Variants in PARD3B observed in about 807,000 individuals in gnomAD.
PARD3B encodes par-3 family cell polarity regulator beta, also known as partitioning defective 3 homolog B.
A neutral mutation model predicts 130.2 loss-of-function variants in PARD3B; 103 were observed. The observed-to-expected ratio is 0.79, with a 90% CI of 0.67 to 0.93. The LOEUF is 0.93. Ranked by LOEUF, PARD3B falls within the 40% of genes least tolerant of loss-of-function variation. The probability of loss-of-function intolerance (pLI) is 0.00; values close to 1 mark genes in which losing one functional copy is unlikely to be tolerated. For missense variants in PARD3B, 1,609 were observed against 1,499.2 expected (o/e 1.07, Z -1.21); for synonymous variants, 583 against 553.2 (o/e 1.05, Z -0.76).
At position 205,176,220 on chromosome 2, in the gene PARD3B, G is replaced by T. The variant is rs1484554012; in HGVS notation, c.1792-225G>T. On this transcript the variant is annotated intron_variant, in intron 12 of 22. Transcript: ENST00000406610. This position sits in a 1 kb window ranked among gnomAD's most constrained non-coding sequence, Gnocchi z 5.3. The stretch of plus-strand genomic sequence containing the variant: ...ATAAAGTTAATCCTCTTTTGTGTTG[G>T]CTATCAGCACTCCTAATCCTTAGCA... 5.9e-5 allele frequency among the ~76,000 whole-genome samples: 9 copies of T among 152,076 alleles called. No individual in the cohort carries two copies. The highest frequency in any genetic ancestry group is 7.4e-5 in the Non-Finnish European group (5 of 68,006).
chr2:205,127,925 C>A (rs16836988), intron 10 of PARD3B, among the ~76,000 whole-genome samples: 3 of 152,080 alleles, frequency 2.0e-5, no homozygotes, highest in African/African-American at 7.2e-5. Context: ...TTCTTTCAAT[C>A]TTTTATTTAT....
At chr2:205,237,316 A>G (rs1400380191) in intron 15 of PARD3B, among the ~76,000 whole-genome samples, 2 of 152,074 alleles carry the variant, frequency 1.3e-5, no homozygotes, top group Admixed American at 6.6e-5. Flanking sequence ...TGACCAGGCT[A>G]GTCTTGAATG....
intron 20 of PARD3B, among the ~76,000 whole-genome samples, chr2:205,442,267 T>C (rs1290877229): frequency 6.7e-6 from 1 of 149,742 alleles, no homozygotes; most frequent in Non-Finnish European, 1.5e-5. Context: ...AATTCTAGGG[T>C]AAGCCACAAG....
At chr2:204,844,593 G>T (rs2044389864) in intron 2 of PARD3B, among the ~76,000 whole-genome samples, 1 of 152,090 alleles carries the variant, frequency 6.6e-6, no homozygotes, top group African/African-American at 2.4e-5. Context: ...TGGATGGCGG[G>T]GGCTGGGTGT....
chr2:204,932,837 G>A (rs1300479632), intron 2 of PARD3B, among the ~76,000 whole-genome samples: 2 of 152,160 alleles, frequency 1.3e-5, no homozygotes, highest in Admixed American at 1.3e-4. Context: ...GTCAGTGACA[G>A]CTCATTAAAG....
chr2:205,220,246 T>C (rs1432208848), intron 15 of PARD3B, among the ~76,000 whole-genome samples: 1 of 152,144 alleles, frequency 6.6e-6, no homozygotes, highest in Non-Finnish European at 1.5e-5. Flanking sequence ...AACTCATTAA[T>C]GTGGTTTTTG....
chr2:204,809,067 T>A (rs1248281189), intron 2 of PARD3B, among the ~76,000 whole-genome samples: 1 of 152,172 alleles, frequency 6.6e-6, no homozygotes, highest in African/African-American at 2.4e-5. Context: ...GTTGGCCTCA[T>A]GTGTGTTTTC....
At chr2:205,208,580 C>G (rs1248919543) in intron 15 of PARD3B, among the ~76,000 whole-genome samples, 1 of 143,614 alleles carries the variant, frequency 7.0e-6, no homozygotes, top group East Asian at 2.0e-4. Context: ...CAATAACAGA[C>G]AAACAGAGAG....
chr2:205,301,460 A>T lies in PARD3B; in HGVS notation c.2393-4A>T, dbSNP rs2041994181. 5.6e-6 allele frequency: 9 copies of T among 1,608,080 alleles called. No homozygotes were observed. The East Asian group carries it at 2.0e-4, about 36-fold the overall frequency. On this transcript the variant is annotated splice_region_variant and splice_polypyrimidine_tract_variant and intron_variant, in intron 17 of 22. Coordinates refer to ENST00000406610, the MANE Select transcript of PARD3B (RefSeq NM_001302769.2). The surrounding 1 kb of genome is among the most constrained non-coding windows in gnomAD (Gnocchi z 5.2). Reference sequence around the variant, plus strand: ...TGGGTATTGATTATTTTTTCTCTGTACAGACGGTCTGTCTGATAAGAGCTC... The same window carrying T: ...TGGGTATTGATTATTTTTTCTCTGTTCAGACGGTCTGTCTGATAAGAGCTC...
chr2:204,929,050 A>C (rs759665470), intron 2 of PARD3B, among the ~76,000 whole-genome samples: 1 of 151,938 alleles, frequency 6.6e-6, no homozygotes, highest in Non-Finnish European at 1.5e-5. Context: ...AACCACTACC[A>C]TCCTGGTTAA....
rs143152561 is a variant in PARD3B, at chr2:204,925,968, G to A, written c.223-39184G>A. On this transcript the variant is annotated intron_variant, in intron 2 of 22. Coordinates refer to ENST00000406610, the MANE Select transcript of PARD3B (RefSeq NM_001302769.2). The stretch of plus-strand genomic sequence containing the variant: ...CTCCATATTCCCCTTGCCTTCTGCC[G>A]TGATTGTAAGTTTCCTGAGGCCTCC... Among the ~76,000 whole-genome samples, 1,010 of 151,948 alleles carry A rather than the reference G, an allele frequency of 6.6e-3. 15 individuals are homozygous for A. Among genetic ancestry groups the A allele is most frequent in the African/African-American group, 0.023 (960 of 41,426 alleles).
intron 18 of PARD3B, among the ~76,000 whole-genome samples, chr2:205,377,807 G>C (rs1007376237): frequency 1.9e-5 from 2 of 107,082 alleles, no homozygotes; most frequent in African/African-American, 9.3e-5. Context: ...TTTCGCTCTT[G>C]TTCCCCAGGC....
At chr2:204,629,874 T>G (rs2125137838) in intron 1 of PARD3B, among the ~76,000 whole-genome samples, 1 of 152,332 alleles carries the variant, frequency 6.6e-6, no homozygotes, top group Non-Finnish European at 1.5e-5. Flanking sequence ...TACCAAATAC[T>G]ATAGACTTTT....
At chr2:204,597,220 A>G (rs1273425749) in intron 1 of PARD3B, among the ~76,000 whole-genome samples, 1 of 150,762 alleles carries the variant, frequency 6.6e-6, no homozygotes, top group Non-Finnish European at 1.5e-5. Flanking sequence ...ATTTCTGCGA[A>G]TGGATGAATT....
chr2:205,164,822 TACACACACAC>T (rs71032448), intron 11 of PARD3B, among the ~76,000 whole-genome samples: 7 of 147,244 alleles, frequency 4.8e-5, no homozygotes, highest in African/African-American at 1.0e-4. Context: ...TATATATGTA[TACACACACAC>T]ACACACACAC....
chr2:205,240,825 A>G (rs1263087648), intron 15 of PARD3B, among the ~76,000 whole-genome samples: 2 of 152,212 alleles, frequency 1.3e-5, no homozygotes, highest in Non-Finnish European at 2.9e-5. Flanking sequence ...GTGAGAATGC[A>G]TTTGAAGTGT....
rs554542097 is a variant in PARD3B, at chr2:205,592,207, G to C, written c.3261-23249G>C. ...TGGCAGAGCTGGAACTTGAACCCAG[G>C]TGTTTTGCCTCAGAGCCCAGTGCTC... On this transcript the variant is annotated intron_variant, in intron 22 of 22. Coordinates refer to ENST00000406610, the MANE Select transcript of PARD3B (RefSeq NM_001302769.2). This position sits in a 1 kb window ranked among gnomAD's most constrained non-coding sequence, Gnocchi z 4.5. Among the ~76,000 whole-genome samples, 7 of 152,308 alleles carry C rather than the reference G, an allele frequency of 4.6e-5. No homozygotes were observed. In the South Asian group the frequency reaches 1.5e-3, roughly 32 times the overall value.
At chr2:205,179,137 T>A (rs894200003) in intron 13 of PARD3B, among the ~76,000 whole-genome samples, 10 of 152,020 alleles carry the variant, frequency 6.6e-5, no homozygotes, top group African/African-American at 2.4e-4. Context: ...GTTTAAAAGG[T>A]TAAAAGAAAA....
intron 2 of PARD3B, among the ~76,000 whole-genome samples, chr2:204,962,233 G>A (rs770042933): frequency 7.9e-5 from 12 of 152,082 alleles, no homozygotes; most frequent in Non-Finnish European, 1.8e-4. Context: ...GAGGACACTG[G>A]CATCATAGAA....
Sources: allele counts gnomAD v4.1 joint callset (sites outside exome capture counted in the v4.1 genomes callset), GRCh38; gene constraint gnomAD v4.1.1; non-coding constraint Gnocchi (gnomAD v3.1); transcripts MANE v1.5; gene names NCBI Gene and HGNC (gene_info 2026-07-23, HGNC 2026-07-21).